Variants in OPRD1 observed in about 807,000 individuals in gnomAD.
OPRD1 encodes the protein delta-type opioid receptor.
Under a neutral mutation model 17.5 loss-of-function variants are expected in OPRD1, and 19 were observed. The ratio of observed to expected loss-of-function variants is 1.09; its 90% confidence interval spans 0.76 to 1.60. The LOEUF (loss-of-function observed/expected upper bound fraction) is 1.60, where lower values mean the gene tolerates loss of function less well. OPRD1 is among the 40% of genes most tolerant of loss of function. OPRD1 has a pLI of 0.00. For synonymous variants in OPRD1, 256 were observed against 240.9 expected, an observed-to-expected ratio of 1.06 and a Z score of -0.58; for missense variants, 483 against 547.2, an observed-to-expected ratio of 0.88 and a Z score of 1.17.
At chr1:28,819,293 AAG>A (rs1491045794) in intron 1 of OPRD1, among the ~76,000 whole-genome samples, 1 of 151,972 alleles carries the variant, frequency 6.6e-6, no homozygotes, top group Non-Finnish European at 1.5e-5. Context: ...TCAAAAAAAA[AAG>A]GAAGGAGGCA....
intron 1 of OPRD1, 24 bp from the exon 2 acceptor site, chr1:28,858,930 A>G: frequency 6.3e-7 from 1 of 1,582,226 alleles, no homozygotes; most frequent in South Asian, 1.1e-5. Context: ...AATGGGATTA[A>G]TTACACATGC....
At chr1:28,821,469 C>T (rs1255634578) in intron 1 of OPRD1, among the ~76,000 whole-genome samples, 1 of 152,086 alleles carries the variant, frequency 6.6e-6, no homozygotes, top group Non-Finnish European at 1.5e-5. Context: ...AACTCCTGGA[C>T]TCAAGTGATC....
In OPRD1 at chr1:28,866,038, A is replaced by G. The variant is rs1249133170; in HGVS notation, c.*2755A>G. ...TGAGGTCAGCAGGGCCCGGGTCCGG[A>G]CCACGTGTGTTTAAGGTAGTGCAAA... On this transcript the variant is annotated 3_prime_UTR_variant, in exon 3 of 3. Transcript: ENST00000234961. The G allele has an allele frequency of 6.6e-6, 1 of 152,220 alleles. No individual in the cohort carries two copies. The highest frequency in any genetic ancestry group is 2.4e-5 in the African/African-American group (1 of 41,434). 9.4% of individuals were successfully genotyped at this position (152,220 alleles called of 1,614,324 possible). A position where few individuals can be genotyped will look rare whatever the true frequency, so the allele number is the denominator to read the frequency against.
At position 28,863,026 on chromosome 1, in the gene OPRD1, G is replaced by A. The variant is rs1229136739; in HGVS notation, c.862G>A (p.Asp288Asn). The A allele has an allele frequency of 6.2e-7, 1 of 1,607,664 alleles. No individual in the cohort carries two copies. Among genetic ancestry groups the A allele is most frequent in the Non-Finnish European group, 8.5e-7 (1 of 1,177,124 alleles). The change falls in exon 3 of 3, where the codon GAC becomes AAC. Residue 288 changes from aspartate to asparagine, a missense_variant. Physicochemically the swap from Asp to Asn is conservative, Grantham distance 23. Transcript: ENST00000234961. Reference protein sequence around the residue: ...HIFVIVWTLVDIDRRDPLVVA... With the variant: ...HIFVIVWTLVNIDRRDPLVVA... ...CTTCGTCATCGTCTGGACGCTGGTG[G>A]ACATCGACCGGCGCGACCCGCTGGT...
At chr1:28,845,465 T>C (rs983824060) in intron 1 of OPRD1, among the ~76,000 whole-genome samples, 10 of 137,392 alleles carry the variant, frequency 7.3e-5, no homozygotes, top group African/African-American at 2.7e-4. Flanking sequence ...GGCGACAGAG[T>C]GAGACTCCAT....
At chr1:28,820,498 A>T (rs990182813) in intron 1 of OPRD1, among the ~76,000 whole-genome samples, 3 of 151,216 alleles carry the variant, frequency 2.0e-5, no homozygotes, top group Non-Finnish European at 2.9e-5. Flanking sequence ...AGAATTATTG[A>T]GTGGGTGGTA....
At chr1:28,845,408 G>A (rs897979866) in intron 1 of OPRD1, among the ~76,000 whole-genome samples, 55 of 151,474 alleles carry the variant, frequency 3.6e-4, no homozygotes, top group African/African-American at 1.2e-3. Context: ...AGAATTATGA[G>A]GCAGAGGTTG....
Position 28,839,696 on chromosome 1 carries a change from G to GA in OPRD1, c.228-19249dup, listed in dbSNP as rs1019263492. ...CTCATGGGCTGTTGTGCATCAGTGG[G>GA]AAAAAAAAACCCTCAGTTTAGTTAA... is the stretch of plus-strand genomic sequence containing the variant. On this transcript the variant is annotated intron_variant, in intron 1 of 2. Transcript: ENST00000234961. Among the ~76,000 whole-genome samples, 26 of 150,614 alleles carry GA rather than the reference G, an allele frequency of 1.7e-4. No homozygotes were observed. In the South Asian group the frequency reaches 2.1e-3, roughly 12 times the overall value.
intron 1 of OPRD1, among the ~76,000 whole-genome samples, chr1:28,814,460 GAGGTGCTTGTCCTA>G (rs1300314140): frequency 6.6e-6 from 1 of 152,236 alleles, no homozygotes; most frequent in Non-Finnish European, 1.5e-5. Flanking sequence ...GAGCTTGAGG[GAGGTGCTTGTCCTA>G]AGGTGGGCCT....
intron 1 of OPRD1, among the ~76,000 whole-genome samples, chr1:28,848,607 A>G (rs562522063): frequency 2.6e-5 from 4 of 152,336 alleles, no homozygotes; most frequent in African/African-American, 9.6e-5. Context: ...GCACAGTTCA[A>G]GTGTCCACTT....
intron 1 of OPRD1, among the ~76,000 whole-genome samples, 200 bp downstream of exon 1, chr1:28,812,810 G>A (rs1385044771): frequency 1.3e-5 from 2 of 152,202 alleles, no homozygotes; most frequent in Admixed American, 1.3e-4. Context: ...ATGTGTGTGT[G>A]TGGTGCGGGG....
At position 28,812,400 on chromosome 1, in the gene OPRD1, C is replaced by A; in HGVS notation, c.17C>A (p.Ser6Tyr). The part of the protein sequence containing the change: MEPAP[S>Y]AGAELQPPLF... ...CCGGCAGCCATGGAACCGGCCCCCT[C>A]CGCCGGCGCCGAGCTGCAGCCCCCG... The change falls in exon 1 of 3, where the codon TCC becomes TAC. Residue 6 changes from serine (S) to tyrosine (Y), a missense_variant. Ser to Tyr is a moderately radical substitution (Grantham distance 144). Coordinates refer to ENST00000234961, the MANE Select transcript of OPRD1 (RefSeq NM_000911.4). 4 of 1,439,432 alleles carry A rather than the reference C, an allele frequency of 2.8e-6. No individual in the cohort carries two copies. Among genetic ancestry groups the A allele is most frequent in the Non-Finnish European group, 3.6e-6 (4 of 1,103,012 alleles). 89.2% of individuals were successfully genotyped at this position (1,439,432 alleles called of 1,614,324 possible).
intron 1 of OPRD1, among the ~76,000 whole-genome samples, chr1:28,855,537 G>A (rs953700797): frequency 6.6e-5 from 10 of 152,092 alleles, no homozygotes; most frequent in Non-Finnish European, 1.3e-4. Flanking sequence ...AGGACGGGGC[G>A]TGGCTGTGGG....
intron 1 of OPRD1, among the ~76,000 whole-genome samples, chr1:28,829,465 T>G (rs2088794378): frequency 1.3e-5 from 2 of 151,764 alleles, no homozygotes. Flanking sequence ...TCCTCCCAGA[T>G]TCAAGTGATT....
At chr1:28,840,204 A>G (rs1215356617) in intron 1 of OPRD1, among the ~76,000 whole-genome samples, 1 of 152,158 alleles carries the variant, frequency 6.6e-6, no homozygotes, top group Non-Finnish European at 1.5e-5. Flanking sequence ...GTGCTGCTGT[A>G]GGTTCTAGGC....
intron 1 of OPRD1, among the ~76,000 whole-genome samples, chr1:28,824,522 G>T (rs2088747496): frequency 2.6e-5 from 4 of 151,310 alleles, no homozygotes. Flanking sequence ...GTTTCACCGT[G>T]TTAGCCAGGA....
intron 1 of OPRD1, among the ~76,000 whole-genome samples, chr1:28,838,973 A>T (rs962195104): frequency 7.2e-5 from 11 of 152,200 alleles, no homozygotes; most frequent in African/African-American, 2.6e-4. Flanking sequence ...ATTCACAGGC[A>T]CCATCGTGGC....
chr1:28,832,573 C>T (rs1004447251), intron 1 of OPRD1, among the ~76,000 whole-genome samples: 20 of 151,794 alleles, frequency 1.3e-4, no homozygotes, highest in Admixed American at 1.1e-3. Context: ...GCTGTGATTG[C>T]GCCACTGCAC....
At chr1:28,839,863 T>C (rs2088881001) in intron 1 of OPRD1, among the ~76,000 whole-genome samples, 1 of 151,752 alleles carries the variant, frequency 6.6e-6, no homozygotes, top group African/African-American at 2.4e-5. Flanking sequence ...AGGGTGAGCA[T>C]GGGAGAAGGT....
Sources: allele counts gnomAD v4.1 joint callset (sites outside exome capture counted in the v4.1 genomes callset), GRCh38; gene constraint gnomAD v4.1.1; transcripts MANE v1.5; gene names NCBI Gene and HGNC (gene_info 2026-07-23, HGNC 2026-07-21).